Variants in TRAK1 observed in about 807,000 individuals in gnomAD.
The protein encoded by TRAK1 is trafficking kinesin-binding protein 1.
In TRAK1, 33 loss-of-function variants were observed where a neutral mutation model predicts 92.1. The observed-to-expected ratio is 0.36, with a 90% CI of 0.27 to 0.48. The LOEUF (loss-of-function observed/expected upper bound fraction) is 0.48. Among genes scored for constraint, TRAK1 ranks in the 20% least tolerant of loss-of-function variants. The pLI is 0.99. For synonymous variants in TRAK1, 521 were observed against 517.3 expected, an observed-to-expected ratio of 1.01 and a Z score of -0.10; for missense variants, 1,123 against 1,257.9, an observed-to-expected ratio of 0.89 and a Z score of 1.62.
intron 2 of TRAK1, among the ~76,000 whole-genome samples, chr3:42,135,224 A>T (rs950931142): frequency 6.6e-6 from 1 of 152,190 alleles, no homozygotes; most frequent in Non-Finnish European, 1.5e-5. Flanking sequence ...CTGTATAGGG[A>T]GTGCCTTGAG....
intron 1 of TRAK1, among the ~76,000 whole-genome samples, chr3:42,037,339 T>A (rs1038777075): frequency 6.6e-6 from 1 of 152,232 alleles, no homozygotes. Flanking sequence ...CACTGGCTTA[T>A]GGATTTTGTT....
chr3:42,067,430 G>C (rs1165012458), intron 1 of TRAK1, among the ~76,000 whole-genome samples: 1 of 152,220 alleles, frequency 6.6e-6, no homozygotes, highest in Non-Finnish European at 1.5e-5. Context: ...TATAGTGACA[G>C]ATTCAGTTTC....
At chr3:42,032,007 G>GT (rs1425935692) in intron 1 of TRAK1, among the ~76,000 whole-genome samples, 1 of 152,180 alleles carries the variant, frequency 6.6e-6, no homozygotes, top group Non-Finnish European at 1.5e-5. Context: ...GGGGCATGGG[G>GT]TGAAGTCTGA....
At chr3:42,097,010 T>C (rs1559760195) in intron 1 of TRAK1, among the ~76,000 whole-genome samples, 1 of 152,234 alleles carries the variant, frequency 6.6e-6, no homozygotes, top group Non-Finnish European at 1.5e-5. Context: ...TTTCCAAAAA[T>C]GTTCTGTGCA....
chr3:42,016,545 A>G (rs1701534170), intron 1 of TRAK1, among the ~76,000 whole-genome samples: 1 of 152,148 alleles, frequency 6.6e-6, no homozygotes, highest in South Asian at 2.1e-4. Context: ...GACCTTGTAT[A>G]TAGTAGGCCT....
chr3:42,067,556 A>G (rs981243907), intron 1 of TRAK1, among the ~76,000 whole-genome samples: 11 of 152,190 alleles, frequency 7.2e-5, no homozygotes, highest in African/African-American at 2.7e-4. Flanking sequence ...CATGCCTTAA[A>G]ACAAAAACTT....
intron 2 of TRAK1, among the ~76,000 whole-genome samples, chr3:42,163,830 T>C (rs900001911): frequency 1.3e-5 from 2 of 152,230 alleles, no homozygotes; most frequent in Admixed American, 1.3e-4. Context: ...TGTTTGTTTC[T>C]ATCCAGTTTT....
chr3:42,149,498 C>T (rs1379391745), intron 2 of TRAK1: 9 of 1,535,836 alleles, frequency 5.9e-6, no homozygotes, highest in Non-Finnish European at 7.0e-6. Context: ...GTTGATGGTG[C>T]TGTGAAGTCC....
At chr3:42,104,187 G>C (rs1359296037) in intron 1 of TRAK1, among the ~76,000 whole-genome samples, 4 of 152,140 alleles carry the variant, frequency 2.6e-5, no homozygotes, top group Admixed American at 6.5e-5. Context: ...GAACTGGGTG[G>C]AGCCCACTGC....
At chr3:42,065,058 CAG>C (rs925006408) in intron 1 of TRAK1, among the ~76,000 whole-genome samples, 1 of 151,908 alleles carries the variant, frequency 6.6e-6, no homozygotes, top group African/African-American at 2.4e-5. Context: ...GCCTGGGTGA[CAG>C]AGCAAGACTC....
At chr3:42,112,340 A>G (rs1251031972) in intron 1 of TRAK1, among the ~76,000 whole-genome samples, 2 of 150,390 alleles carry the variant, frequency 1.3e-5, no homozygotes, top group East Asian at 4.1e-4. Flanking sequence ...AGGCACAAGA[A>G]TCACTTGAAC....
chr3:42,037,095 C>T (rs955572310), intron 1 of TRAK1, among the ~76,000 whole-genome samples: 4 of 152,082 alleles, frequency 2.6e-5, no homozygotes, highest in Admixed American at 2.6e-4. Context: ...CCCAAAGCAT[C>T]GGGATTACAG....
chr3:42,031,449 A>T (rs373102892), intron 1 of TRAK1, among the ~76,000 whole-genome samples: 1 of 151,812 alleles, frequency 6.6e-6, no homozygotes, highest in South Asian at 2.1e-4. Flanking sequence ...TGATAGCAAC[A>T]TAGCGAGACC....
intron 1 of TRAK1, among the ~76,000 whole-genome samples, chr3:42,041,801 T>C (rs1032794603): frequency 2.6e-5 from 4 of 151,724 alleles, no homozygotes; most frequent in South Asian, 2.1e-4. Flanking sequence ...TTTTTTCTTT[T>C]CTTTTCTTTT....
At chr3:42,168,362 T>C (rs1339552623) in intron 2 of TRAK1, among the ~76,000 whole-genome samples, 2 of 152,220 alleles carry the variant, frequency 1.3e-5, no homozygotes, top group African/African-American at 2.4e-5. Context: ...GTGGCTGGAA[T>C]ATGGCATGGT....
chr3:42,135,611 G>T (rs758475568), intron 2 of TRAK1, among the ~76,000 whole-genome samples: 1 of 152,144 alleles, frequency 6.6e-6, no homozygotes, highest in Non-Finnish European at 1.5e-5. Context: ...CTCATCCAGG[G>T]TATTTCCCAC....
intron 1 of TRAK1, among the ~76,000 whole-genome samples, chr3:42,119,347 T>C (rs757054961): frequency 1.3e-5 from 2 of 152,054 alleles, no homozygotes; most frequent in Non-Finnish European, 2.9e-5. Flanking sequence ...AAACAGCTGG[T>C]CTAAAAACTC....
chr3:42,189,199 A>G, intron 6 of TRAK1, 75 bp downstream of exon 6: 1 of 1,121,066 alleles, frequency 8.9e-7, no homozygotes, highest in Non-Finnish European at 1.3e-6. Flanking sequence ...AAGGACAACC[A>G]TGGTTAAGTG....
chr3:42,125,765 C>T (rs1053661466), intron 2 of TRAK1, 151 bp downstream of exon 2: 171 of 810,360 alleles, frequency 2.1e-4, no homozygotes, highest in Middle Eastern at 3.8e-4. Flanking sequence ...AGGGGTTAAC[C>T]GCACAAAAGG....
Sources: gnomAD v4.1 joint callset for allele counts (sites outside exome capture counted in the v4.1 genomes callset) on GRCh38, gnomAD v4.1.1 for gene constraint, MANE v1.5 for transcripts, NCBI Gene and HGNC (gene_info 2026-07-23, HGNC 2026-07-21) for gene names.